The following SLC6A2 variants were observed in gnomAD, a reference collection of about 807,000 sequenced individuals.
The protein encoded by SLC6A2 is solute carrier family 6 member 2.
SLC6A2 carries 26 observed loss-of-function variants against 71.7 expected under a neutral mutation model. That is an observed-to-expected ratio of 0.36 (90% CI 0.27 to 0.50). SLC6A2 has a LOEUF of 0.50. Among genes scored for constraint, SLC6A2 ranks in the 20% least tolerant of loss-of-function variants. The pLI is 0.96. For missense variants in SLC6A2, 581 were observed against 803.9 expected, an observed-to-expected ratio of 0.72 and a Z score of 3.35; for synonymous variants, 363 against 337.9, an observed-to-expected ratio of 1.07 and a Z score of -0.82.
chr16:55,684,909 G>A (rs1173154170), intron 4 of SLC6A2, among the ~76,000 whole-genome samples: 1 of 152,184 alleles, frequency 6.6e-6, no homozygotes, highest in African/African-American at 2.4e-5. Context: ...CATGAGCGTG[G>A]AATCTCCCCA....
chr16:55,698,349 G>A (rs1965864556), intron 10 of SLC6A2, 120 bp from the exon 11 acceptor site: 2 of 778,132 alleles, frequency 2.6e-6, no homozygotes, highest in Non-Finnish European at 4.6e-6. Flanking sequence ...CTATGCCCTG[G>A]GTTTTCAAAT....
intron 2 of SLC6A2, among the ~76,000 whole-genome samples, chr16:55,657,912 C>CTCCTCCGGTGCCCAG (rs1555501567): frequency 2.0e-5 from 3 of 151,798 alleles, no homozygotes; most frequent in Non-Finnish European, 4.4e-5. Flanking sequence ...AGGGGCTTTG[C>CTCCTCCGGTGCCCAG]TCCTGCCACT....
At position 55,656,725 on chromosome 16, in the gene SLC6A2, CA is replaced by C. The variant is rs1482700841; in HGVS notation, c.32del (p.Gln11ArgfsTer26). 6.2e-7 allele frequency: 1 copy of C among 1,612,790 alleles called. No homozygotes were observed. The highest frequency in any genetic ancestry group is 8.5e-7 in the Non-Finnish European group (1 of 1,179,934). On this transcript the variant is annotated frameshift_variant, in exon 2 of 15. Transcript: ENST00000568943. LOFTEE classifies it high-confidence loss of function. The surrounding 1 kb of genome is among the most constrained non-coding windows in gnomAD (Gnocchi z 4.5). MLLARMNPQVQPENNGADTGP... is the reference protein window; with the variant it reads MLLARMNPQVXPENNGADTGP... ...TCTGGCGCGGATGAACCCGCAGGTGCAGCCCGAGAACAACGGGGCGGACACG... is the reference window on the plus strand; with the variant it reads ...TCTGGCGCGGATGAACCCGCAGGTGCGCCCGAGAACAACGGGGCGGACACG...
chr16:55,682,073 A>AT (rs1263803358), intron 4 of SLC6A2, among the ~76,000 whole-genome samples: 1 of 152,050 alleles, frequency 6.6e-6, no homozygotes, highest in Non-Finnish European at 1.5e-5. Context: ...CACCCAGCTA[A>AT]TTTTTGTATT....
rs766852483 is a variant in SLC6A2, at chr16:55,703,254, T to C, written c.*908T>C. 9.1e-6 allele frequency: 9 copies of C among 985,500 alleles called. No individual in the cohort carries two copies. Among genetic ancestry groups the C allele is most frequent in the Non-Finnish European group, 1.1e-5 (9 of 829,988 alleles). 61.0% of individuals were successfully genotyped at this position (985,500 alleles called of 1,614,324 possible). A position where few individuals can be genotyped will look rare whatever the true frequency, so the allele number is the denominator to read the frequency against. On this transcript the variant is annotated 3_prime_UTR_variant, in exon 15 of 15. Transcript: ENST00000568943. ...GGGGCAGGGACCAAGTGAGGCCTCATGTGTGTCTTCACCGTGCTGTCCTCA... is the reference window on the plus strand; with the variant it reads ...GGGGCAGGGACCAAGTGAGGCCTCACGTGTGTCTTCACCGTGCTGTCCTCA...
chr16:55,699,750 C>T (rs984965491), intron 12 of SLC6A2, 96 bp downstream of exon 12: 7 of 907,876 alleles, frequency 7.7e-6, no homozygotes, highest in Non-Finnish European at 1.3e-5. Flanking sequence ...GGAGGAGGCT[C>T]TGGGATCCAG....
chr16:55,695,109 C>T (rs1443343748), intron 7 of SLC6A2, among the ~76,000 whole-genome samples, 169 bp from the exon 8 acceptor site: 1 of 152,182 alleles, frequency 6.6e-6, no homozygotes, highest in Non-Finnish European at 1.5e-5. Flanking sequence ...TAGCCTACTT[C>T]CTGCACCAGT....
intron 2 of SLC6A2, among the ~76,000 whole-genome samples, chr16:55,668,440 T>C (rs1964813578): frequency 6.6e-6 from 1 of 152,192 alleles, no homozygotes; most frequent in African/African-American, 2.4e-5. Flanking sequence ...AAGTATTTCC[T>C]GTTTTCTTGA....
At chr16:55,679,821 C>T (rs772749100) in intron 4 of SLC6A2, among the ~76,000 whole-genome samples, 5 of 152,092 alleles carry the variant, frequency 3.3e-5, no homozygotes, top group African/African-American at 4.8e-5. Flanking sequence ...GAACTTGGCA[C>T]GGGATGGACT....
At chr16:55,681,379 T>C (rs1965267111) in intron 4 of SLC6A2, among the ~76,000 whole-genome samples, 1 of 152,182 alleles carries the variant, frequency 6.6e-6, no homozygotes, top group Non-Finnish European at 1.5e-5. Context: ...CCCGGCACAC[T>C]GCCTGGCTCA....
intron 2 of SLC6A2, among the ~76,000 whole-genome samples, chr16:55,663,643 GTCTA>G (rs1289393622): frequency 6.6e-6 from 1 of 152,162 alleles, no homozygotes; most frequent in Non-Finnish European, 1.5e-5. Context: ...AAACCTATCT[GTCTA>G]TCTATCTATC....
At position 55,671,638 on chromosome 16, in the gene SLC6A2, A is replaced by AC. The variant is rs112801883; in HGVS notation, c.407-296dup. ...TGCACTAGATTCTCATAGGAGCGCA[A>AC]CCCCTACTGTGAACTGCGCATGCGA... On this transcript the variant is annotated intron_variant, in intron 3 of 14. Coordinates refer to ENST00000568943, the MANE Select transcript of SLC6A2 (RefSeq NM_001172501.3). The AC allele has an allele frequency of 2.8e-4, 156 of 561,828 alleles. 1 individual carries two copies. The highest frequency in any genetic ancestry group is 2.6e-3 in the African/African-American group (137 of 53,666). The allele number at this position is 561,828 out of a possible 1,614,324, so 34.8% of individuals were successfully genotyped here. A position where few individuals can be genotyped will look rare whatever the true frequency, so the allele number is the denominator to read the frequency against.
rs1380293216 is a variant in SLC6A2, at chr16:55,656,732, A to G, written c.38A>G (p.Glu13Gly). The G allele has an allele frequency of 6.2e-7, 1 of 1,612,798 alleles. No individual in the cohort carries two copies. Among genetic ancestry groups the G allele is most frequent in the East Asian group, 2.2e-5 (1 of 44,852 alleles). Residue 13 changes from glutamate (E) to glycine (G), a missense_variant, in exon 2 of 15, where the codon GAG becomes GGG. This residue lies in a region of SLC6A2 where 76 missense variants were observed against 79.9 expected (regional missense o/e 0.95). Transcript: ENST00000568943. The surrounding 1 kb of genome is among the most constrained non-coding windows in gnomAD (Gnocchi z 4.5). ...CGGATGAACCCGCAGGTGCAGCCCG[A>G]GAACAACGGGGCGGACACGGGTCCA... is the stretch of plus-strand genomic sequence containing the variant. ...LARMNPQVQP[E>G]NNGADTGPEQ...
At position 55,671,764 on chromosome 16, in the gene SLC6A2, GA is replaced by G. The variant is rs1323962858; in HGVS notation, c.407-169del. 5.0e-6 allele frequency: 7 copies of G among 1,401,332 alleles called. No homozygotes were observed. In the East Asian group the frequency reaches 7.5e-5, roughly 15 times the overall value. 86.8% of individuals were successfully genotyped at this position (1,401,332 alleles called of 1,614,324 possible). A position where few individuals can be genotyped will look rare whatever the true frequency, so the allele number is the denominator to read the frequency against. On this transcript the variant is annotated intron_variant, in intron 3 of 14. Coordinates refer to ENST00000568943, the MANE Select transcript of SLC6A2 (RefSeq NM_001172501.3). The stretch of plus-strand genomic sequence containing the variant: ...AACTACCCCCACCCCAAAATCTGTG[GA>G]AAAATTGTCTTCCATGCGACAGGTC...
Position 55,676,578 on chromosome 16 carries a change from G to A in SLC6A2, c.644+4403G>A, listed in dbSNP as rs144305872. On this transcript the variant is annotated intron_variant, in intron 4 of 14. Coordinates refer to ENST00000568943, the MANE Select transcript of SLC6A2 (RefSeq NM_001172501.3). ...ACTCTAACCCCAGCCCTGTCTGGCA[G>A]GGAAACTTCACAGCATGCACCCTTA... is the stretch of plus-strand genomic sequence containing the variant. 3.0e-3 allele frequency among the ~76,000 whole-genome samples: 459 copies of A among 152,314 alleles called. 6 individuals carry two copies. The South Asian group carries it at 0.047, about 15-fold the overall frequency.
chr16:55,699,980 T>C (rs1199364038), intron 12 of SLC6A2, among the ~76,000 whole-genome samples, 159 bp from the exon 13 acceptor site: 1 of 152,134 alleles, frequency 6.6e-6, no homozygotes, highest in African/African-American at 2.4e-5. Context: ...TATTTCTCCA[T>C]CTCTTTCTCT....
intron 3 of SLC6A2, 61 bp from the exon 4 acceptor site, chr16:55,671,877 G>C (rs776679346): frequency 1.2e-6 from 2 of 1,611,348 alleles, no homozygotes; most frequent in Non-Finnish European, 1.7e-6. Context: ...CCACACCCAA[G>C]GAGAGGTGGC....
Position 55,704,475 on chromosome 16 carries a change from T to G in SLC6A2, c.*2129T>G, listed in dbSNP as rs1190835683. The G allele has an allele frequency of 1.3e-5, 2 of 152,184 alleles. No homozygotes were observed. Among genetic ancestry groups the G allele is most frequent in the East Asian group, 3.8e-4 (2 of 5,196 alleles). The allele number at this position is 152,184 out of a possible 1,614,324, so 9.4% of individuals were successfully genotyped here. A position where few individuals can be genotyped will look rare whatever the true frequency, so the allele number is the denominator to read the frequency against. ...ATTCAAACCGCAAAGGAAAATTTCT[T>G]AGCAAAAGAACAATGTGTTGGAGGA... On this transcript the variant is annotated 3_prime_UTR_variant, in exon 15 of 15. Coordinates refer to ENST00000568943, the MANE Select transcript of SLC6A2 (RefSeq NM_001172501.3).
In SLC6A2 at chr16:55,700,157, A is replaced by T. The variant is rs1226732670; in HGVS notation, c.1609A>T (p.Ile537Phe). The T allele has an allele frequency of 4.3e-6, 7 of 1,613,616 alleles. No individual in the cohort carries two copies. The highest frequency in any genetic ancestry group is 5.1e-6 in the Non-Finnish European group (6 of 1,179,960). Residue 537 changes from isoleucine to phenylalanine, a missense_variant, in exon 13 of 15, where the codon ATC becomes TTC. By Grantham distance (21) the Ile-to-Phe change is conservative. Coordinates refer to ENST00000568943, the MANE Select transcript of SLC6A2 (RefSeq NM_001172501.3). ...AFLLFVVVVS[I>F]INFKPLTYDD... Reference sequence around the variant, plus strand: ...TCTCTAGTTCGTGGTTGTGGTCAGCATCATCAACTTCAAGCCACTCACCTA... The same window carrying T: ...TCTCTAGTTCGTGGTTGTGGTCAGCTTCATCAACTTCAAGCCACTCACCTA...
Sources: gnomAD v4.1 joint callset for allele counts (sites outside exome capture counted in the v4.1 genomes callset) on GRCh38, gnomAD v4.1.1 for gene constraint, gnomAD v4.1.1 regional missense constraint, Gnocchi (gnomAD v3.1) non-coding constraint, MANE v1.5 for transcripts, NCBI Gene and HGNC (gene_info 2026-07-23, HGNC 2026-07-21) for gene names.